VSTM2A: variants seen among roughly 807,000 people sequenced by gnomAD.
VSTM2A encodes V-set and transmembrane domain containing 2A.
VSTM2A carries 13 observed loss-of-function variants against 27.3 expected under a neutral mutation model. The ratio of observed to expected loss-of-function variants is 0.48; its 90% CI spans 0.31 to 0.76. The LOEUF (loss-of-function observed/expected upper bound fraction) is 0.76, where lower values mean the gene tolerates loss of function less well. Among genes scored for constraint, VSTM2A ranks in the 30% least tolerant of loss-of-function variants. VSTM2A has a pLI of 0.05. For synonymous variants in VSTM2A, 142 were observed against 125.7 expected, an observed-to-expected ratio of 1.13 and a Z score of -0.87; for missense variants, 280 against 310.0, an observed-to-expected ratio of 0.90 and a Z score of 0.73.
rs558565850 is a variant in VSTM2A at position 54,570,553 on chromosome 7, C to T, written c.*1334C>T. Reference sequence around the variant, plus strand: ...TATGCAAAAGATGATGGCAGGTCCCCGACTAAAGAAGATTAATGTGTTCAG... The same window carrying T: ...TATGCAAAAGATGATGGCAGGTCCCTGACTAAAGAAGATTAATGTGTTCAG... On this transcript the variant is annotated 3_prime_UTR_variant, in exon 5 of 5. Transcript: ENST00000402613. The T allele has an allele frequency of 2.6e-5, 4 of 152,058 alleles. No individual in the cohort carries two copies. Among genetic ancestry groups the T allele is most frequent in the Non-Finnish European group, 5.9e-5 (4 of 68,000 alleles). The allele number at this position is 152,058 out of a possible 1,614,324, so 9.4% of individuals were successfully genotyped here.
rs570009462 is a variant in VSTM2A, at chr7:54,552,306, T to C, written c.634+2136T>C. ...CCAACCAGTGAATACTGGATAATAT[T>C]TTTATATACTTCTATCAACATTTTC... is the stretch of plus-strand genomic sequence containing the variant. On this transcript the variant is annotated intron_variant, in intron 4 of 4. Coordinates refer to ENST00000402613, the MANE Select transcript of VSTM2A (RefSeq NM_001301009.2). 3.0e-4 allele frequency: 45 copies of C among 152,282 alleles called. 3 individuals are homozygous for C. In the South Asian group the frequency reaches 9.3e-3, roughly 32 times the overall value. 9.4% of individuals were successfully genotyped at this position (152,282 alleles called of 1,614,324 possible).
At chr7:54,557,246 G>A (rs1190152225) in intron 4 of VSTM2A, 4 of 152,110 alleles carry the variant, frequency 2.6e-5, no homozygotes, top group Admixed American at 1.3e-4. Flanking sequence ...AGTGCACAGC[G>A]GTTAAAGAGG....
chr7:54,544,174 T>TCTACTGAC (rs1787868767), intron 1 of VSTM2A, among the ~76,000 whole-genome samples: 1 of 152,244 alleles, frequency 6.6e-6, no homozygotes, highest in Non-Finnish European at 1.5e-5. Flanking sequence ...TTTTGACAGA[T>TCTACTGAC]AATCATGATC....
chr7:54,549,704 A>G, intron 3 of VSTM2A, 130 bp from the exon 4 acceptor site: 1 of 818,250 alleles, frequency 1.2e-6, no homozygotes, highest in Non-Finnish European at 1.9e-6. Context: ...GGAAATAAAA[A>G]GCTCCTTCAC....
chr7:54,558,525 A>T (rs1788446142), intron 4 of VSTM2A: 2 of 152,190 alleles, frequency 1.3e-5, no homozygotes, highest in Admixed American at 1.3e-4. Flanking sequence ...GAGTAAACCT[A>T]GCATGTGAGT....
rs979799600 is a variant in VSTM2A, at chr7:54,556,479, A to G, written c.634+6309A>G. ...TCTTTGCAGGGAGAGTGCTTGTCTC[A>G]TTTAATATGTGAGTAAATGGTGCAC... On this transcript the variant is annotated intron_variant, in intron 4 of 4. Transcript: ENST00000402613. Among the ~76,000 whole-genome samples the G allele has an allele frequency of 7.2e-5, 11 of 152,262 alleles. No individual in the cohort carries two copies. In the East Asian group the frequency reaches 1.9e-3, roughly 27 times the overall value.
At chr7:54,560,548 A>G (rs1788525068) in intron 4 of VSTM2A, among the ~76,000 whole-genome samples, 1 of 152,170 alleles carries the variant, frequency 6.6e-6, no homozygotes, top group Non-Finnish European at 1.5e-5. Context: ...GTATCAAGGG[A>G]AATCGGACAC....
chr7:54,556,318 A>G (rs1489226413), intron 4 of VSTM2A, among the ~76,000 whole-genome samples: 2 of 152,164 alleles, frequency 1.3e-5, no homozygotes, highest in Non-Finnish European at 2.9e-5. Flanking sequence ...TTGTGTGTTC[A>G]CCATGATGTG....
intron 4 of VSTM2A, among the ~76,000 whole-genome samples, chr7:54,564,758 GAA>G (rs1166965151): frequency 4.6e-5 from 7 of 152,110 alleles, no homozygotes; most frequent in Admixed American, 2.0e-4. Flanking sequence ...TTGAAAAGAA[GAA>G]GGAATGCTAA....
intron 4 of VSTM2A, chr7:54,559,235 A>G (rs1483468366): frequency 6.6e-6 from 1 of 152,112 alleles, no homozygotes; most frequent in Non-Finnish European, 1.5e-5. Flanking sequence ...GATATAAAAT[A>G]TATAATCTTT....
At chr7:54,543,746 C>T (rs1787857556) in intron 1 of VSTM2A, among the ~76,000 whole-genome samples, 1 of 152,164 alleles carries the variant, frequency 6.6e-6, no homozygotes, top group Admixed American at 6.5e-5. Flanking sequence ...AGGGAACCAT[C>T]AGCTCTTTGC....
chr7:54,554,215 T>C, intron 4 of VSTM2A: 4 of 1,352,842 alleles, frequency 3.0e-6, no homozygotes, highest in Non-Finnish European at 3.9e-6. Flanking sequence ...TTCCTGACAC[T>C]CTTACCTCTC....
chr7:54,544,094 C>T (rs1393272858), intron 1 of VSTM2A, among the ~76,000 whole-genome samples: 1 of 152,198 alleles, frequency 6.6e-6, no homozygotes, highest in African/African-American at 2.4e-5. Context: ...AAGTGTGCAA[C>T]TTGTTTCACT....
chr7:54,547,065 G>T, intron 3 of VSTM2A, 68 bp downstream of exon 3: 1 of 1,489,276 alleles, frequency 6.7e-7, no homozygotes, highest in Non-Finnish European at 8.9e-7. Flanking sequence ...CTGTCCCCGA[G>T]AAGGCGGCTT....
At chr7:54,548,271 T>C (rs1265691452) in intron 3 of VSTM2A, among the ~76,000 whole-genome samples, 1 of 152,180 alleles carries the variant, frequency 6.6e-6, no homozygotes, top group Non-Finnish European at 1.5e-5. Context: ...CAACTGTTGA[T>C]AGTATTACCT....
chr7:54,553,326 CG>C (rs1184091266), intron 4 of VSTM2A, among the ~76,000 whole-genome samples: 1 of 152,128 alleles, frequency 6.6e-6, no homozygotes. Flanking sequence ...TGAAGCAAAA[CG>C]GTTAGGCAAA....
At chr7:54,547,393 A>G (rs1158712006) in intron 3 of VSTM2A, among the ~76,000 whole-genome samples, 2 of 152,244 alleles carry the variant, frequency 1.3e-5, no homozygotes, top group Non-Finnish European at 2.9e-5. Context: ...AAAGCATCCA[A>G]CAGGATACTG....
At chr7:54,542,910 G>A (rs1787831986) in intron 1 of VSTM2A, 101 bp downstream of exon 1, 13 of 1,095,434 alleles carry the variant, frequency 1.2e-5, no homozygotes, top group Non-Finnish European at 1.6e-5. Context: ...TTCCTAGCAA[G>A]TAACAGTGGG....
chr7:54,553,404 C>G (rs375051920), intron 4 of VSTM2A, among the ~76,000 whole-genome samples: 21 of 152,336 alleles, frequency 1.4e-4, no homozygotes, highest in African/African-American at 4.3e-4. Context: ...TCTGAACACT[C>G]TCCAGTTTTG....
Sources: allele counts gnomAD v4.1 joint callset (sites outside exome capture counted in the v4.1 genomes callset), GRCh38; gene constraint gnomAD v4.1.1; transcripts MANE v1.5; gene names NCBI Gene and HGNC (gene_info 2026-07-23, HGNC 2026-07-21).